The following TRMT1L variants were observed in gnomAD, a reference collection of about 807,000 sequenced individuals.
The protein encoded by TRMT1L is tRNA (guanine(27)-N(2))-dimethyltransferase.
Under a neutral mutation model 81.6 loss-of-function variants are expected in TRMT1L, and 28 were observed. The ratio of observed to expected loss-of-function variants is 0.34; its 90% confidence interval spans 0.25 to 0.47. The LOEUF is 0.47. Among genes scored for constraint, TRMT1L ranks in the 20% least tolerant of loss-of-function variants. TRMT1L has a pLI of 1.00. For missense variants in TRMT1L, 739 were observed against 877.1 expected (o/e 0.84, Z 1.99); for synonymous variants, 301 against 303.2 (o/e 0.99, Z 0.07).
chr1:185,145,668 A>T, intron 4 of TRMT1L, 100 bp from the exon 5 acceptor site: 2 of 1,124,800 alleles, frequency 1.8e-6, no homozygotes, highest in Middle Eastern at 2.7e-4. Context: ...ATTTAATGGT[A>T]TAGAAGATAA....
intron 11 of TRMT1L, among the ~76,000 whole-genome samples, chr1:185,125,409 C>A (rs1652599559): frequency 6.6e-6 from 1 of 152,148 alleles, no homozygotes; most frequent in Non-Finnish European, 1.5e-5. Context: ...TCAAGGGATC[C>A]TCCTACCTTG....
intron 10 of TRMT1L, among the ~76,000 whole-genome samples, chr1:185,130,371 G>C (rs532645099): frequency 6.6e-6 from 1 of 152,204 alleles, no homozygotes; most frequent in Non-Finnish European, 1.5e-5. Context: ...TAAACTACAA[G>C]AATAAATAAA....
At chr1:185,134,649 A>G (rs1652853204) in intron 10 of TRMT1L, among the ~76,000 whole-genome samples, 1 of 152,260 alleles carries the variant, frequency 6.6e-6, no homozygotes, top group Non-Finnish European at 1.5e-5. Flanking sequence ...AAAAGTCTTT[A>G]AAATGTTTGA....
chr1:185,157,199 C>T (rs1256215432), upstream of TRMT1L: 6 of 158,332 alleles, frequency 3.8e-5, no homozygotes, highest in Admixed American at 1.9e-4. Flanking sequence ...CGCAGAACTA[C>T]GTTTCCCAGC....
At chr1:185,140,905 G>A (rs1653020494) in intron 7 of TRMT1L, among the ~76,000 whole-genome samples, 1 of 149,192 alleles carries the variant, frequency 6.7e-6, no homozygotes, top group Non-Finnish European at 1.5e-5. Flanking sequence ...TCACCTCCTA[G>A]AGGTCCAGAC....
At chr1:185,121,267 T>A (rs765495524) in intron 13 of TRMT1L, among the ~76,000 whole-genome samples, 1 of 152,166 alleles carries the variant, frequency 6.6e-6, no homozygotes, top group Non-Finnish European at 1.5e-5. Context: ...TCTTATCTCT[T>A]CAGGGAAAGT....
Position 185,139,988 on chromosome 1 carries a change from C to T in TRMT1L, c.1094G>A (p.Arg365Lys). ...TTCTACTTACATGAAATCAAAAGAT[C>T]TCAAATGCATCAGTACATTGGCATC... is the stretch of plus-strand genomic sequence containing the variant. ...KMDANVLMHLRSFDFIHLDPF... is the reference protein window; with the variant it reads ...KMDANVLMHLKSFDFIHLDPF... Residue 365 changes from arginine to lysine, a missense_variant, in exon 8 of 15, where the codon AGA becomes AAA. Physicochemically the swap from Arg to Lys is conservative, Grantham distance 26. Around this residue, in one of 4 missense-constraint regions of TRMT1L, gnomAD observed 331 missense variants for 462.2 expected, o/e 0.72. Coordinates refer to ENST00000367506, the MANE Select transcript of TRMT1L (RefSeq NM_030934.5). 4 of 1,609,334 alleles carry T rather than the reference C, an allele frequency of 2.5e-6. No individual in the cohort carries two copies. Among genetic ancestry groups the T allele is most frequent in the Non-Finnish European group, 2.5e-6 (3 of 1,177,658 alleles).
chr1:185,127,530 G>A (rs950165582), intron 11 of TRMT1L, among the ~76,000 whole-genome samples: 1 of 152,038 alleles, frequency 6.6e-6, no homozygotes, highest in Admixed American at 6.6e-5. Flanking sequence ...GGCCGAGGCG[G>A]GTGGATCACT....
At chr1:185,153,278 A>G (rs752194401) in intron 1 of TRMT1L, among the ~76,000 whole-genome samples, 3 of 152,150 alleles carry the variant, frequency 2.0e-5, no homozygotes, top group African/African-American at 4.8e-5. Flanking sequence ...TAGGGGATAC[A>G]TTCCCTACCT....
intron 7 of TRMT1L, among the ~76,000 whole-genome samples, chr1:185,143,068 A>G (rs1653092221): frequency 6.6e-6 from 1 of 152,154 alleles, no homozygotes; most frequent in Admixed American, 6.5e-5. Context: ...GAAATGATGT[A>G]TCTGTTATTT....
intron 13 of TRMT1L, chr1:185,121,004 CA>C (rs1328090168): frequency 1.3e-5 from 2 of 152,130 alleles, no homozygotes; most frequent in Non-Finnish European, 2.9e-5. Context: ...AATCACAAAA[CA>C]AAGAAAAACA....
At chr1:185,154,685 G>T (rs556879706) in intron 1 of TRMT1L, among the ~76,000 whole-genome samples, 4 of 152,158 alleles carry the variant, frequency 2.6e-5, no homozygotes, top group Non-Finnish European at 5.9e-5. Flanking sequence ...GGTTAAGTTA[G>T]AAAACTAAAA....
chr1:185,119,902 G>T lies in TRMT1L; in HGVS notation c.*117C>A. On this transcript the variant is annotated 3_prime_UTR_variant, in exon 15 of 15. Transcript: ENST00000367506. The stretch of plus-strand genomic sequence containing the variant: ...AACTGCTCAGTTTCTGAATGAAAAT[G>T]ACACTGTTTTTTATTTTTACTCTAC... 1 of 1,215,472 alleles carries T rather than the reference G, an allele frequency of 8.2e-7. No homozygotes were observed. Among genetic ancestry groups the T allele is most frequent in the Non-Finnish European group, 1.1e-6 (1 of 900,688 alleles). The allele number at this position is 1,215,472 out of a possible 1,614,324, so 75.3% of individuals were successfully genotyped here. A position where few individuals can be genotyped will look rare whatever the true frequency, so the allele number is the denominator to read the frequency against.
chr1:185,120,263 T>C lies in TRMT1L; in HGVS notation c.1958A>G (p.Lys653Arg), dbSNP rs1367586946. The C allele has an allele frequency of 6.5e-7, 1 of 1,547,826 alleles. No individual in the cohort carries two copies. Among genetic ancestry groups the C allele is most frequent in the East Asian group, 2.3e-5 (1 of 43,620 alleles). ...TGCTTGAGATAAATAGCACAAAAAC[T>C]TTTTTAACCTGCAAAAAGGAAAGGA... ...IKGMNMPKLK[K>R]FLCYLSQAGF... Residue 653 changes from lysine (K) to arginine (R), a missense_variant, in exon 15 of 15, where the codon AAG becomes AGG. Physicochemically the swap from Lys to Arg is conservative, Grantham distance 26 (BLOSUM62 2). Coordinates refer to ENST00000367506, the MANE Select transcript of TRMT1L (RefSeq NM_030934.5).
chr1:185,156,129 T>C (rs1443923786), intron 1 of TRMT1L, among the ~76,000 whole-genome samples: 1 of 152,228 alleles, frequency 6.6e-6, no homozygotes, highest in Non-Finnish European at 1.5e-5. Context: ...TAGTTAACCA[T>C]GGCAGACTGG....
chr1:185,147,122 A>T, intron 4 of TRMT1L, 60 bp downstream of exon 4: 1 of 1,256,296 alleles, frequency 8.0e-7, no homozygotes, highest in Non-Finnish European at 1.1e-6. Flanking sequence ...AGTAAGTAAA[A>T]ATTATGCTTT....
chr1:185,130,453 G>A (rs1652741045), intron 10 of TRMT1L, among the ~76,000 whole-genome samples: 1 of 152,152 alleles, frequency 6.6e-6, no homozygotes, highest in Admixed American at 6.6e-5. Context: ...TACACAATGG[G>A]AGAACTGATT....
In TRMT1L at chr1:185,140,227, G is replaced by C; in HGVS notation, c.860-5C>G. The C allele has an allele frequency of 6.4e-7, 1 of 1,572,188 alleles. No homozygotes were observed. The highest frequency in any genetic ancestry group is 8.6e-7 in the Non-Finnish European group (1 of 1,158,984). ...CCCACTGTAATCCCATTATCCCTTA[G>C]GAAAAATGGGAAGAAAATGAGTTTT... is the stretch of plus-strand genomic sequence containing the variant. On this transcript the variant is annotated splice_polypyrimidine_tract_variant and splice_region_variant and intron_variant, in intron 7 of 14. Coordinates refer to ENST00000367506, the MANE Select transcript of TRMT1L (RefSeq NM_030934.5).
At chr1:185,150,242 C>T in intron 3 of TRMT1L, 137 bp downstream of exon 3, 1 of 635,720 alleles carries the variant, frequency 1.6e-6, no homozygotes, top group East Asian at 2.7e-5. Flanking sequence ...TTATTAAATA[C>T]ATTAGAAATG....
Sources: gnomAD v4.1 joint callset for allele counts (sites outside exome capture counted in the v4.1 genomes callset) on GRCh38, gnomAD v4.1.1 for gene constraint, gnomAD v4.1.1 regional missense constraint, MANE v1.5 for transcripts, NCBI Gene and HGNC (gene_info 2026-07-23, HGNC 2026-07-21) for gene names.